The following USH2A variants were observed in gnomAD, a reference collection of about 807,000 sequenced individuals.
The protein encoded by USH2A is Usher syndrome 2A (autosomal recessive, mild).
USH2A carries 443 observed loss-of-function variants against 538.9 expected under a neutral mutation model. The observed-to-expected ratio is 0.82, with a 90% CI of 0.76 to 0.89. The LOEUF (loss-of-function observed/expected upper bound fraction) is 0.89, where lower values mean the gene tolerates loss of function less well. USH2A is among the 40% of genes least tolerant of loss of function. The pLI, the probability that USH2A is intolerant of heterozygous loss-of-function variation, is 0.00. For missense variants in USH2A, 6,633 were observed against 6,324.8 expected (o/e 1.05, Z -1.65); for synonymous variants, 2,413 against 2,273.5 (o/e 1.06, Z -1.75).
chr1:216,246,640 G>A lies in USH2A; in HGVS notation c.2754C>T (p.Gly918=). 1 of 1,614,078 alleles carries A rather than the reference G, an allele frequency of 6.2e-7. No homozygotes were observed. The highest frequency in any genetic ancestry group is 8.5e-7 in the Non-Finnish European group (1 of 1,179,974). Residue 918 remains glycine, a synonymous_variant, in exon 13 of 72, where the codon GGC becomes GGT. Transcript: ENST00000307340. The part of the protein sequence containing the change: ...LPGTICDPIS[G]QCLCVPNRQG... ...GACGATTAGGCACACACAGGCACTG[G>A]CCACTGATTGGGTCACAAATGGTCC...
At chr1:216,253,396 C>T (rs1017167675) in intron 11 of USH2A, among the ~76,000 whole-genome samples, 1 of 152,054 alleles carries the variant, frequency 6.6e-6, no homozygotes, top group African/African-American at 2.4e-5. Flanking sequence ...GAACTCCTGA[C>T]CTCAGGTGAT....
intron 24 of USH2A, 39 bp from the exon 25 acceptor site, chr1:216,084,916 A>C: frequency 6.3e-7 from 1 of 1,596,632 alleles, no homozygotes; most frequent in East Asian, 2.2e-5. Context: ...ATATATTTTG[A>C]AAGATTATTT....
intron 55 of USH2A, among the ~76,000 whole-genome samples, chr1:215,776,771 A>G (rs920953137): frequency 6.6e-6 from 1 of 152,220 alleles, no homozygotes; most frequent in African/African-American, 2.4e-5. Flanking sequence ...ACAGTCATTC[A>G]CACCATAAAA....
chr1:216,365,559 A>G (rs2038580803), intron 3 of USH2A, among the ~76,000 whole-genome samples: 1 of 152,176 alleles, frequency 6.6e-6, no homozygotes, highest in Admixed American at 6.6e-5. Context: ...GGGTATTGGT[A>G]TCCGGTTGGT....
intron 26 of USH2A, among the ~76,000 whole-genome samples, chr1:216,082,255 G>A (rs2031972743): frequency 6.6e-6 from 1 of 152,054 alleles, no homozygotes; most frequent in African/African-American, 2.4e-5. Flanking sequence ...AAGGTCCTTA[G>A]ATTCATAGAC....
intron 47 of USH2A, among the ~76,000 whole-genome samples, chr1:215,826,251 C>T (rs1663150878): frequency 6.6e-6 from 1 of 152,134 alleles, no homozygotes; most frequent in East Asian, 1.9e-4. Context: ...CAGGAAGAGT[C>T]TTTGGAATGT....
chr1:215,837,057 C>G (rs1486642953), intron 47 of USH2A, among the ~76,000 whole-genome samples: 1 of 152,040 alleles, frequency 6.6e-6, no homozygotes, highest in East Asian at 1.9e-4. Context: ...AAGATATACT[C>G]AAGCAGACAA....
At chr1:215,630,504 A>G (rs1457470939) in intron 70 of USH2A, among the ~76,000 whole-genome samples, 5 of 135,072 alleles carry the variant, frequency 3.7e-5, no homozygotes, top group Admixed American at 2.2e-4. Flanking sequence ...ATATATATAT[A>G]TATATATATA....
chr1:216,024,870 T>C (rs1338206157), intron 32 of USH2A, among the ~76,000 whole-genome samples: 1 of 151,964 alleles, frequency 6.6e-6, no homozygotes, highest in Non-Finnish European at 1.5e-5. Context: ...TACCAATGAT[T>C]TTAAGCCACT....
At position 216,193,610 on chromosome 1, in the gene USH2A, C is replaced by T. The variant is rs1168107610; in HGVS notation, c.4251+2943G>A. On this transcript the variant is annotated intron_variant, in intron 19 of 71. Coordinates refer to ENST00000307340, the MANE Select transcript of USH2A (RefSeq NM_206933.4). Reference sequence around the variant, plus strand: ...CCTGGATTTCAGGTTAGCTTAAAATCCAATGACTGGTATTTTTATGGGAGA... The same window carrying T: ...CCTGGATTTCAGGTTAGCTTAAAATTCAATGACTGGTATTTTTATGGGAGA... 2.6e-5 allele frequency among the ~76,000 whole-genome samples: 4 copies of T among 152,022 alleles called. No homozygotes were observed. The East Asian group carries it at 7.7e-4, about 29-fold the overall frequency.
chr1:215,914,894 T>C (rs1022681666), intron 38 of USH2A, among the ~76,000 whole-genome samples: 2 of 152,094 alleles, frequency 1.3e-5, no homozygotes, highest in Non-Finnish European at 2.9e-5. Context: ...GTTAATTGAG[T>C]TGTTTATTAA....
intron 43 of USH2A, among the ~76,000 whole-genome samples, chr1:215,874,533 T>A (rs941216138): frequency 5.3e-5 from 8 of 152,214 alleles, no homozygotes; most frequent in African/African-American, 1.9e-4. Context: ...AATATAATGA[T>A]GTTTTAAATT....
chr1:216,097,239 A>G (rs1392330169), intron 21 of USH2A, 26 bp from the exon 22 acceptor site: 2 of 1,614,018 alleles, frequency 1.2e-6, no homozygotes, highest in East Asian at 2.2e-5. Flanking sequence ...TGATCAGCAA[A>G]TCAGTGCTGG....
At chr1:215,630,375 T>A (rs551694470) in intron 70 of USH2A, 9 of 422,674 alleles carry the variant, frequency 2.1e-5, no homozygotes, top group Non-Finnish European at 4.8e-6. Flanking sequence ...GATGTACATA[T>A]ATATCCTAGG....
At chr1:215,954,171 C>G (rs1375249742) in intron 37 of USH2A, among the ~76,000 whole-genome samples, 1 of 152,104 alleles carries the variant, frequency 6.6e-6, no homozygotes, top group Non-Finnish European at 1.5e-5. Context: ...CCTCAGGGAT[C>G]TAGAACTAGA....
chr1:216,208,492 AAAAG>A (rs2035169007), intron 15 of USH2A, among the ~76,000 whole-genome samples: 1 of 152,198 alleles, frequency 6.6e-6, no homozygotes, highest in Admixed American at 6.5e-5. Flanking sequence ...AAGCCTCAGT[AAAAG>A]AAAGCACACT....
chr1:216,363,194 G>A (rs2038529847), intron 4 of USH2A, among the ~76,000 whole-genome samples: 1 of 151,988 alleles, frequency 6.6e-6, no homozygotes, highest in South Asian at 2.1e-4. Context: ...AGAAAATATA[G>A]TTTATATACA....
chr1:215,721,935 T>G (rs777011701), intron 61 of USH2A, among the ~76,000 whole-genome samples: 54 of 152,122 alleles, frequency 3.5e-4, no homozygotes, highest in Non-Finnish European at 6.0e-4. Flanking sequence ...CATGGTGGCA[T>G]GCACCTATAG....
intron 4 of USH2A, among the ~76,000 whole-genome samples, chr1:216,346,300 A>G (rs1019900064): frequency 3.4e-5 from 5 of 148,688 alleles, no homozygotes; most frequent in South Asian, 2.1e-4. Flanking sequence ...ACTCCTTGGG[A>G]AAAAAAGGAG....
Sources: allele counts gnomAD v4.1 joint callset (sites outside exome capture counted in the v4.1 genomes callset), GRCh38; gene constraint gnomAD v4.1.1; transcripts MANE v1.5; gene names NCBI Gene and HGNC (gene_info 2026-07-23, HGNC 2026-07-21).